The following FBXW7 variants were observed in gnomAD, a reference collection of about 807,000 sequenced individuals.
FBXW7 encodes F-box and WD repeat domain containing 7, also known as F-box/WD repeat-containing protein 7.
In FBXW7, 11 loss-of-function variants were observed where a neutral mutation model predicts 86.3. The observed-to-expected ratio is 0.13, with a 90% confidence interval of 0.08 to 0.21. The LOEUF (loss-of-function observed/expected upper bound fraction) is 0.21, where lower values mean the gene tolerates loss of function less well. Among genes scored for constraint, FBXW7 ranks in the 10% least tolerant of loss-of-function variants. FBXW7 has a pLI of 1.00. For missense variants in FBXW7, 488 were observed against 847.4 expected, an observed-to-expected ratio of 0.58 and a Z score of 5.27; for synonymous variants, 313 against 297.9, an observed-to-expected ratio of 1.05 and a Z score of -0.52.
intron 2 of FBXW7, among the ~76,000 whole-genome samples, chr4:152,513,022 C>T (rs991520198): frequency 1.3e-5 from 2 of 152,162 alleles, no homozygotes; most frequent in Admixed American, 6.5e-5. Context: ...CCACCATGCT[C>T]GGCTAATTTT....
intron 4 of FBXW7, among the ~76,000 whole-genome samples, chr4:152,389,938 T>C (rs1735856387): frequency 6.6e-6 from 1 of 152,070 alleles, no homozygotes; most frequent in Non-Finnish European, 1.5e-5. Context: ...ACAAAAGGCA[T>C]GTATGCCTGT....
intron 4 of FBXW7, among the ~76,000 whole-genome samples, chr4:152,356,463 A>G (rs1055609714): frequency 1.3e-5 from 2 of 152,218 alleles, no homozygotes; most frequent in Admixed American, 6.5e-5. Context: ...TTATAATAGT[A>G]GGAGAATGTG....
chr4:152,397,841 C>T (rs1281780524), intron 4 of FBXW7, among the ~76,000 whole-genome samples: 1 of 151,736 alleles, frequency 6.6e-6, no homozygotes, highest in Non-Finnish European at 1.5e-5. Flanking sequence ...AGGGAAGTAG[C>T]TTCTTTGGAG....
chr4:152,514,788 C>T (rs891685884), intron 2 of FBXW7, among the ~76,000 whole-genome samples: 1 of 152,120 alleles, frequency 6.6e-6, no homozygotes, highest in Non-Finnish European at 1.5e-5. Context: ...CATCATGCTT[C>T]TTATACAACC....
intron 4 of FBXW7, among the ~76,000 whole-genome samples, chr4:152,368,970 C>A (rs895951757): frequency 6.6e-6 from 1 of 151,990 alleles, no homozygotes; most frequent in African/African-American, 2.4e-5. Flanking sequence ...ATCACATTAA[C>A]TTTTTATGCA....
chr4:152,346,861 CG>C, intron 6 of FBXW7, 68 bp downstream of exon 6: 1 of 1,576,962 alleles, frequency 6.3e-7, no homozygotes, highest in Non-Finnish European at 8.6e-7. Context: ...TCTTTTTTTA[CG>C]GATGAATAAT....
chr4:152,474,540 T>C (rs570283197), intron 2 of FBXW7, among the ~76,000 whole-genome samples: 16 of 152,226 alleles, frequency 1.1e-4, no homozygotes, highest in Non-Finnish European at 1.8e-4. Context: ...AAATTACCCA[T>C]CACCTATTTG....
intron 2 of FBXW7, among the ~76,000 whole-genome samples, chr4:152,488,572 A>G (rs1043763497): frequency 1.3e-5 from 2 of 152,090 alleles, no homozygotes; most frequent in Non-Finnish European, 2.9e-5. Flanking sequence ...CATGAACTTA[A>G]AAGTTCTCTT....
chr4:152,417,152 A>G (rs542793966), intron 2 of FBXW7, among the ~76,000 whole-genome samples: 1 of 152,176 alleles, frequency 6.6e-6, no homozygotes, highest in South Asian at 2.1e-4. Flanking sequence ...TCCCCATACT[A>G]TTATCTCCAG....
Position 152,411,772 on chromosome 4 carries a change from T to TTGC in FBXW7, c.29_31dup (p.Ser10dup). 6.2e-7 allele frequency: 1 copy of TTGC among 1,613,042 alleles called. No homozygotes were observed. Among genetic ancestry groups the TTGC allele is most frequent in the Non-Finnish European group, 8.5e-7 (1 of 1,179,510 alleles). ...CAGAGAGCCTCCAGTTCGTCGTCTT[T>TTGC]TGCTGCCCACAGAGAGCAGTTCCTG... On this transcript the variant is annotated inframe_insertion, in exon 4 of 14. Coordinates refer to ENST00000281708, the MANE Select transcript of FBXW7 (RefSeq NM_001349798.2).
chr4:152,460,843 T>G (rs752666793), intron 2 of FBXW7, among the ~76,000 whole-genome samples: 27 of 152,264 alleles, frequency 1.8e-4, no homozygotes, highest in Non-Finnish European at 3.2e-4. Context: ...ATTCCCCATC[T>G]GAGACTCCAT....
At chr4:152,350,007 G>A (rs755094553) in intron 5 of FBXW7, 35 bp downstream of exon 5, 6 of 1,208,006 alleles carry the variant, frequency 5.0e-6, no homozygotes, top group Middle Eastern at 5.3e-4. Flanking sequence ...CTAAAAAACT[G>A]AGAATCATGA....
At chr4:152,339,520 C>A (rs1185524750) in intron 6 of FBXW7, among the ~76,000 whole-genome samples, 15 of 152,180 alleles carry the variant, frequency 9.9e-5, no homozygotes, top group Non-Finnish European at 1.9e-4. Flanking sequence ...TGATTCACAT[C>A]CCTCACAGGA....
chr4:152,328,408 T>C lies in FBXW7; in HGVS notation c.1237-19A>G, dbSNP rs1729251377. 2.8e-6 allele frequency: 4 copies of C among 1,430,384 alleles called. No individual in the cohort carries two copies. Among genetic ancestry groups the C allele is most frequent in the South Asian group, 1.6e-5 (1 of 60,660 alleles). The allele number at this position is 1,430,384 out of a possible 1,614,324, so 88.6% of individuals were successfully genotyped here. ...TCAGACACTGGAAAAACACTTAAGA[T>C]GATTACTTTTGGGTAGAAAGGAAAA... On this transcript the variant is annotated intron_variant, in intron 10 of 13. Coordinates refer to ENST00000281708, the MANE Select transcript of FBXW7 (RefSeq NM_001349798.2).
At chr4:152,451,522 C>T (rs1164770131) in intron 2 of FBXW7, 1 of 151,898 alleles carries the variant, frequency 6.6e-6, no homozygotes, top group Admixed American at 6.6e-5. Context: ...AATAAGAATC[C>T]GGCTCCCAGA....
intron 2 of FBXW7, among the ~76,000 whole-genome samples, chr4:152,423,472 G>A (rs1739121905): frequency 6.6e-6 from 1 of 152,034 alleles, no homozygotes; most frequent in African/African-American, 2.4e-5. Flanking sequence ...ATAAAAATTT[G>A]CCAAACATGT....
intron 2 of FBXW7, among the ~76,000 whole-genome samples, chr4:152,477,124 A>T (rs1324040418): frequency 2.0e-5 from 3 of 152,002 alleles, no homozygotes; most frequent in Non-Finnish European, 2.9e-5. Context: ...ACTGTCCTTC[A>T]ACTCCAACTC....
chr4:152,481,775 G>C (rs369028925), intron 2 of FBXW7, among the ~76,000 whole-genome samples: 4 of 152,190 alleles, frequency 2.6e-5, no homozygotes, highest in East Asian at 3.8e-4. Context: ...AGCAGAGCCT[G>C]ATAACATGAT....
At chr4:152,465,883 A>G (rs1743380100) in intron 2 of FBXW7, among the ~76,000 whole-genome samples, 1 of 151,966 alleles carries the variant, frequency 6.6e-6, no homozygotes, top group South Asian at 2.1e-4. Flanking sequence ...TACCCATCTA[A>G]TAGCCACTCA....
Sources: gnomAD v4.1 joint callset for allele counts (sites outside exome capture counted in the v4.1 genomes callset) on GRCh38, gnomAD v4.1.1 for gene constraint, MANE v1.5 for transcripts, NCBI Gene and HGNC (gene_info 2026-07-23, HGNC 2026-07-21) for gene names.